The following ARHGAP31 variants were observed in gnomAD, a reference collection of about 807,000 sequenced individuals.
The protein encoded by ARHGAP31 is Rho GTPase activating protein 31, also known as rho GTPase-activating protein 31.
Under a neutral mutation model 113.9 loss-of-function variants are expected in ARHGAP31, and 34 were observed. The ratio of observed to expected loss-of-function variants is 0.30; its 90% CI spans 0.23 to 0.40. The LOEUF (loss-of-function observed/expected upper bound fraction) is 0.40, where lower values mean the gene tolerates loss of function less well. Ranked by LOEUF, ARHGAP31 falls within the 10% of genes least tolerant of loss-of-function variation. The pLI is 1.00. For synonymous variants in ARHGAP31, 650 were observed against 684.8 expected, an observed-to-expected ratio of 0.95 and a Z score of 0.79; for missense variants, 1,548 against 1,767.1, an observed-to-expected ratio of 0.88 and a Z score of 2.22.
At chr3:119,373,441 T>TG (rs2080320075) in intron 3 of ARHGAP31, among the ~76,000 whole-genome samples, 8 of 149,446 alleles carry the variant, frequency 5.4e-5, no homozygotes, top group Non-Finnish European at 1.2e-4. Flanking sequence ...TGGCTTTTTT[T>TG]TTTGTTGTTG....
intron 10 of ARHGAP31, among the ~76,000 whole-genome samples, chr3:119,408,106 A>G (rs2080682142): frequency 6.6e-6 from 1 of 152,198 alleles, no homozygotes; most frequent in Non-Finnish European, 1.5e-5. Flanking sequence ...CCTAGAAAAC[A>G]AAAAGATGTG....
At chr3:119,360,659 A>C (rs2080197990) in intron 1 of ARHGAP31, among the ~76,000 whole-genome samples, 1 of 152,262 alleles carries the variant, frequency 6.6e-6, no homozygotes, top group Admixed American at 6.5e-5. Flanking sequence ...GTAGGAAATA[A>C]ATAAAACAAA....
chr3:119,320,926 G>C (rs535694526), intron 1 of ARHGAP31, among the ~76,000 whole-genome samples: 1 of 152,082 alleles, frequency 6.6e-6, no homozygotes, highest in Non-Finnish European at 1.5e-5. Flanking sequence ...TAAGTCTCAC[G>C]AGATCTGATG....
At chr3:119,335,450 C>T (rs2079935816) in intron 1 of ARHGAP31, among the ~76,000 whole-genome samples, 2 of 152,168 alleles carry the variant, frequency 1.3e-5, no homozygotes, top group African/African-American at 4.8e-5. Flanking sequence ...TAACCCCGGT[C>T]CTCAAAGTGG....
intron 6 of ARHGAP31, among the ~76,000 whole-genome samples, chr3:119,386,526 AATT>A (rs1295705354): frequency 6.6e-6 from 1 of 152,144 alleles, no homozygotes; most frequent in African/African-American, 2.4e-5. Context: ...CTCACCTCTT[AATT>A]CTATTGCTTT....
intron 1 of ARHGAP31, among the ~76,000 whole-genome samples, chr3:119,328,956 G>A (rs2079868844): frequency 6.6e-6 from 1 of 152,124 alleles, no homozygotes; most frequent in African/African-American, 2.4e-5. Flanking sequence ...TAAATATGTG[G>A]CATATGATAA....
At chr3:119,303,271 T>G (rs1319393135) in intron 1 of ARHGAP31, among the ~76,000 whole-genome samples, 1 of 152,188 alleles carries the variant, frequency 6.6e-6, no homozygotes, top group African/African-American at 2.4e-5. Flanking sequence ...ATAAGGCACA[T>G]TGCTGATGTG....
intron 1 of ARHGAP31, among the ~76,000 whole-genome samples, chr3:119,340,371 G>T (rs561425968): frequency 1.2e-4 from 18 of 152,262 alleles, no homozygotes; most frequent in Non-Finnish European, 2.4e-4. Flanking sequence ...TTCTCGTTTT[G>T]TCATCAAGTG....
At chr3:119,340,785 A>G (rs1452112375) in intron 1 of ARHGAP31, among the ~76,000 whole-genome samples, 1 of 152,162 alleles carries the variant, frequency 6.6e-6, no homozygotes, top group African/African-American at 2.4e-5. Context: ...GAGTGATTTA[A>G]TTTTGTTGAC....
chr3:119,402,412 G>C lies in ARHGAP31; in HGVS notation c.1645+15G>C. ...GACTTCTGCAGGTAAGTAGAGGAGA[G>C]AGGGTATCTTTCCGTTGCAAGAGAG... On this transcript the variant is annotated intron_variant, in intron 10 of 11. Transcript: ENST00000264245. 1.9e-6 allele frequency: 3 copies of C among 1,610,458 alleles called. No individual in the cohort carries two copies. The highest frequency in any genetic ancestry group is 1.1e-5 in the South Asian group (1 of 90,958).
intron 3 of ARHGAP31, among the ~76,000 whole-genome samples, chr3:119,372,698 G>C (rs2080308491): frequency 6.6e-6 from 1 of 152,132 alleles, no homozygotes. Flanking sequence ...GTCAATAATT[G>C]AGTGCTTACT....
At chr3:119,333,707 G>T (rs971823316) in intron 1 of ARHGAP31, among the ~76,000 whole-genome samples, 1 of 152,168 alleles carries the variant, frequency 6.6e-6, no homozygotes, top group African/African-American at 2.4e-5. Context: ...TCAGAGTCAG[G>T]AAGAGGCAGA....
chr3:119,318,501 G>T (rs903678892), intron 1 of ARHGAP31, among the ~76,000 whole-genome samples: 11 of 152,126 alleles, frequency 7.2e-5, no homozygotes, highest in South Asian at 2.1e-4. Flanking sequence ...GTAGATGCAG[G>T]TCAGCTTGAT....
At chr3:119,323,997 A>G (rs983023958) in intron 1 of ARHGAP31, among the ~76,000 whole-genome samples, 1 of 152,158 alleles carries the variant, frequency 6.6e-6, no homozygotes, top group Non-Finnish European at 1.5e-5. Context: ...GAAAAAGAAA[A>G]GTCAGCACAA....
At chr3:119,375,363 C>A (rs1355482288) in intron 3 of ARHGAP31, among the ~76,000 whole-genome samples, 1 of 152,180 alleles carries the variant, frequency 6.6e-6, no homozygotes, top group Non-Finnish European at 1.5e-5. Flanking sequence ...TGGTGCCTCA[C>A]TCCTGTCTCT....
In ARHGAP31 at chr3:119,370,993, A is replaced by G. The variant is rs985945045; in HGVS notation, c.348+2477A>G. On this transcript the variant is annotated intron_variant, in intron 3 of 11. Coordinates refer to ENST00000264245, the MANE Select transcript of ARHGAP31 (RefSeq NM_020754.4). ...GACTTTCCAACCCTGGGTATTTCCA[A>G]TTGGTTAAATTATTTGTTGACCTGA... Among the ~76,000 whole-genome samples the G allele has an allele frequency of 4.6e-5, 7 of 152,202 alleles. No homozygotes were observed. The South Asian group carries it at 6.2e-4, about 14-fold the overall frequency.
At chr3:119,297,862 C>T (rs1254985755) in intron 1 of ARHGAP31, among the ~76,000 whole-genome samples, 1 of 150,874 alleles carries the variant, frequency 6.6e-6, no homozygotes, top group East Asian at 1.9e-4. Flanking sequence ...CAGTTGTCAA[C>T]CTTAATCTTT....
At chr3:119,386,008 C>T (rs1353652508) in intron 6 of ARHGAP31, among the ~76,000 whole-genome samples, 2 of 152,222 alleles carry the variant, frequency 1.3e-5, no homozygotes, top group Admixed American at 6.5e-5. Context: ...ATTGCCTTAA[C>T]CATCTTTTTG....
intron 1 of ARHGAP31, among the ~76,000 whole-genome samples, chr3:119,345,913 C>T (rs1001943860): frequency 2.0e-5 from 3 of 152,202 alleles, no homozygotes; most frequent in Admixed American, 2.0e-4. Context: ...TTAGCCCTGA[C>T]TTGAACTCTT....
Sources: allele counts gnomAD v4.1 joint callset (sites outside exome capture counted in the v4.1 genomes callset), GRCh38; gene constraint gnomAD v4.1.1; transcripts MANE v1.5; gene names NCBI Gene and HGNC (gene_info 2026-07-23, HGNC 2026-07-21).